The following SUMF1 variants were observed in gnomAD, a reference collection of about 807,000 sequenced individuals.
SUMF1 encodes the protein formylglycine-generating enzyme.
SUMF1 carries 48 observed loss-of-function variants against 47.6 expected under a neutral mutation model. The ratio of observed to expected loss-of-function variants is 1.01; its 90% confidence interval spans 0.80 to 1.28. SUMF1 has a LOEUF of 1.28. SUMF1 is among the 50% of genes most tolerant of loss of function. The pLI is 0.00. For missense variants in SUMF1, 571 were observed against 485.4 expected (o/e 1.18, Z -1.66); for synonymous variants, 230 against 192.1 (o/e 1.20, Z -1.63).
chr3:4,229,712 A>G (rs1002942983), intron 8 of SUMF1, among the ~76,000 whole-genome samples: 2 of 152,104 alleles, frequency 1.3e-5, no homozygotes, highest in Non-Finnish European at 2.9e-5. Context: ...AATTATTAAC[A>G]ACACTAAAAG....
Position 4,228,476 on chromosome 3 carries a change from G to T in SUMF1, c.1014+147854C>A, listed in dbSNP as rs114468867. 2.7e-3 allele frequency among the ~76,000 whole-genome samples: 404 copies of T among 152,088 alleles called. 3 individuals carry two copies. Among genetic ancestry groups the T allele is most frequent in the African/African-American group, 9.3e-3 (385 of 41,520 alleles). On this transcript the variant is annotated intron_variant and NMD_transcript_variant, in intron 8 of 12. Coordinates refer to the SUMF1 transcript ENST00000448413. ...TGCTGTTCCAATAACTAAGTTTATG[G>T]AAAGCAGCCCCCGTGGGGCCAATTA...
chr3:4,091,093 C>CA lies in SUMF1; in HGVS notation c.1015-22349dup, dbSNP rs1234385213. Among the ~76,000 whole-genome samples, 45 of 140,706 alleles carry CA rather than the reference C, an allele frequency of 3.2e-4. 1 individual carries two copies. The highest frequency in any genetic ancestry group is 3.0e-4 in the Non-Finnish European group (20 of 66,882). The allele number at this position is 140,706 out of a possible 152,430, so 92.3% of individuals were successfully genotyped here. ...GAGACTCCATAAAAAACAACAACAA[C>CA]AACAAAAAAAAAAACAAAAAACACA... On this transcript the variant is annotated intron_variant and NMD_transcript_variant, in intron 8 of 12. Coordinates refer to the SUMF1 transcript ENST00000448413.
At chr3:4,341,264 T>C (rs1699267169) in intron 8 of SUMF1, among the ~76,000 whole-genome samples, 1 of 150,470 alleles carries the variant, frequency 6.6e-6, no homozygotes, top group East Asian at 1.9e-4. Flanking sequence ...AATAGGAGAG[T>C]TGGCATAAAG....
rs1695258813 is a variant in SUMF1, at chr3:4,188,953, A to C, written c.1015-120208T>G. The stretch of plus-strand genomic sequence containing the variant: ...TTATTAGCTATTGTTATTAGCTTTA[A>C]CTGTATAAGATTCCTAATATTTCAC... On this transcript the variant is annotated intron_variant and NMD_transcript_variant, in intron 8 of 12. Coordinates refer to the SUMF1 transcript ENST00000448413. Among the ~76,000 whole-genome samples, 3 of 152,166 alleles carry C rather than the reference A, an allele frequency of 2.0e-5. No homozygotes were observed. In the South Asian group the frequency reaches 6.2e-4, roughly 31 times the overall value.
intron 8 of SUMF1, among the ~76,000 whole-genome samples, chr3:4,328,253 T>C (rs1415294342): frequency 6.6e-6 from 1 of 151,922 alleles, no homozygotes. Flanking sequence ...AATAAATGAA[T>C]AAAAATATTT....
intron 8 of SUMF1, among the ~76,000 whole-genome samples, chr3:4,179,724 G>C (rs560773678): frequency 1.3e-5 from 2 of 152,074 alleles, no homozygotes; most frequent in East Asian, 3.9e-4. Context: ...GCTTCTGCAC[G>C]GCAAGAGAAA....
intron 8 of SUMF1, among the ~76,000 whole-genome samples, chr3:4,082,795 T>A (rs537613656): frequency 1.3e-5 from 2 of 152,230 alleles, no homozygotes; most frequent in South Asian, 2.1e-4. Context: ...AGAATGGGTA[T>A]GATTTCACTA....
intron 8 of SUMF1, among the ~76,000 whole-genome samples, chr3:4,270,443 C>G (rs1423487824): frequency 1.3e-5 from 2 of 152,002 alleles, no homozygotes; most frequent in Admixed American, 6.6e-5. Context: ...CATACACGCA[C>G]ACACACACCA....
Position 4,414,526 on chromosome 3 carries a change from AC to A in SUMF1, c.840+2601del, listed in dbSNP as rs1701645688. 3 of 152,218 alleles carry A rather than the reference AC, an allele frequency of 2.0e-5. No individual in the cohort carries two copies. In the South Asian group the frequency reaches 6.2e-4, roughly 32 times the overall value. The allele number at this position is 152,218 out of a possible 1,614,324, so 9.4% of individuals were successfully genotyped here. A position where few individuals can be genotyped will look rare whatever the true frequency, so the allele number is the denominator to read the frequency against. On this transcript the variant is annotated intron_variant, in intron 6 of 8. Transcript: ENST00000272902. ...GCCATAAGATAGAGATCTCATTAAG[AC>A]TCATTCTAAACACAGATGGCAGCTG...
At chr3:4,118,300 T>C (rs536142279) in intron 8 of SUMF1, among the ~76,000 whole-genome samples, 1 of 151,506 alleles carries the variant, frequency 6.6e-6, no homozygotes, top group East Asian at 1.9e-4. Flanking sequence ...AAAAGAGTCA[T>C]GAAGATGTAA....
At chr3:4,289,018 C>A (rs935726157) in intron 8 of SUMF1, among the ~76,000 whole-genome samples, 11 of 152,200 alleles carry the variant, frequency 7.2e-5, no homozygotes, top group Non-Finnish European at 8.8e-5. Context: ...ATCACACAAC[C>A]TTTTCTGCTA....
intron 8 of SUMF1, among the ~76,000 whole-genome samples, chr3:4,254,362 T>G (rs975746600): frequency 5.9e-5 from 9 of 151,452 alleles, no homozygotes; most frequent in African/African-American, 1.9e-4. Flanking sequence ...TTGAAAACTT[T>G]GAAAAAAAAT....
chr3:4,344,447 C>A (rs910328427), intron 8 of SUMF1, among the ~76,000 whole-genome samples: 4 of 152,084 alleles, frequency 2.6e-5, no homozygotes, highest in African/African-American at 9.7e-5. Flanking sequence ...AGAAGAGGGA[C>A]CTGACTTTTG....
intron 1 of SUMF1, among the ~76,000 whole-genome samples, chr3:4,456,880 G>A (rs148809225): frequency 0.2 from 16,862 of 83,740 alleles, 2,662 homozygotes; most frequent in Non-Finnish European, 0.25. Context: ...ATATCTATAT[G>A]TGTGTGTATA....
At chr3:4,067,862 G>A (rs1574854187) in intron 9 of SUMF1, among the ~76,000 whole-genome samples, 1 of 152,168 alleles carries the variant, frequency 6.6e-6, no homozygotes, top group Non-Finnish European at 1.5e-5. Flanking sequence ...CCAGAGCACA[G>A]AACAAGGTAG....
intron 8 of SUMF1, among the ~76,000 whole-genome samples, chr3:4,275,761 C>G (rs314416): frequency 6.6e-6 from 1 of 151,898 alleles, no homozygotes; most frequent in Non-Finnish European, 1.5e-5. Flanking sequence ...GAGTAGGTAA[C>G]CTACAATGTT....
At chr3:4,394,426 G>C (rs775718054) in intron 7 of SUMF1, among the ~76,000 whole-genome samples, 3 of 152,054 alleles carry the variant, frequency 2.0e-5, no homozygotes, top group Non-Finnish European at 4.4e-5. Context: ...CCAAAGTGTT[G>C]GGATTATAGG....
chr3:4,417,953 T>C, intron 5 of SUMF1, 57 bp downstream of exon 5: 1 of 1,612,866 alleles, frequency 6.2e-7, no homozygotes, highest in Admixed American at 1.7e-5. Context: ...TTTTTGTTGT[T>C]GTTTGTTTGT....
chr3:4,351,054 C>CGGAG (rs1352495930), intron 8 of SUMF1, among the ~76,000 whole-genome samples: 1 of 152,090 alleles, frequency 6.6e-6, no homozygotes, highest in Non-Finnish European at 1.5e-5. Context: ...TACCCACAGA[C>CGGAG]GGAGGTACAA....
Sources: allele counts gnomAD v4.1 joint callset (sites outside exome capture counted in the v4.1 genomes callset), GRCh38; gene constraint gnomAD v4.1.1; transcripts MANE v1.5; gene names NCBI Gene and HGNC (gene_info 2026-07-23, HGNC 2026-07-21).